UNC5A: variants seen among roughly 807,000 people sequenced by gnomAD.
UNC5A encodes unc-5 netrin receptor A.
In UNC5A, 20 loss-of-function variants were observed where a neutral mutation model predicts 87.4. That is an observed-to-expected ratio of 0.23 (90% confidence interval 0.16 to 0.33). The LOEUF (loss-of-function observed/expected upper bound fraction) is 0.33, where lower values mean the gene tolerates loss of function less well. Ranked by LOEUF, UNC5A falls within the 10% of genes least tolerant of loss-of-function variation. UNC5A has a pLI of 1.00. For missense variants in UNC5A, 844 were observed against 1,133.4 expected (o/e 0.74, Z 3.67); for synonymous variants, 438 against 482.3 (o/e 0.91, Z 1.20).
intron 1 of UNC5A, among the ~76,000 whole-genome samples, chr5:176,843,849 C>G (rs1024748111): frequency 6.6e-6 from 1 of 152,230 alleles, no homozygotes; most frequent in Non-Finnish European, 1.5e-5. Flanking sequence ...TGGCCCCTGG[C>G]CCCTGGCCCC....
Position 176,878,511 on chromosome 5 carries a change from C to A in UNC5A, c.2056C>A (p.Arg686=), listed in dbSNP as rs371754063. 10 of 1,613,004 alleles carry A rather than the reference C, an allele frequency of 6.2e-6. No homozygotes were observed. Among genetic ancestry groups the A allele is most frequent in the Non-Finnish European group, 8.5e-6 (10 of 1,179,890 alleles). The change falls in exon 13 of 15, where the codon CGG becomes AGG. Residue 686 remains arginine (R), a synonymous_variant. Transcript: ENST00000329542. ...PFYHIWNGTQ[R]YLHCTFTLER... is the part of the protein sequence containing the mutation. ...TTATCACATCTGGAATGGCACGCAG[C>A]GGTACTTGCACTGCACCTTCACCCT...
chr5:176,827,669 G>C (rs549136377), intron 1 of UNC5A, among the ~76,000 whole-genome samples: 14 of 152,306 alleles, frequency 9.2e-5, no homozygotes, highest in Non-Finnish European at 1.2e-4. Flanking sequence ...ATACACCTAG[G>C]AGTGGAATTG....
chr5:176,842,119 C>T (rs1757291120), intron 1 of UNC5A, among the ~76,000 whole-genome samples: 1 of 152,228 alleles, frequency 6.6e-6, no homozygotes, highest in Non-Finnish European at 1.5e-5. Flanking sequence ...ATGGCGTGAA[C>T]CCGGGAGGCG....
rs760774916 is a variant in UNC5A at position 176,862,802 on chromosome 5, C to T, written c.249C>T (p.Arg83=). The T allele has an allele frequency of 2.5e-6, 4 of 1,613,356 alleles. No individual in the cohort carries two copies. The highest frequency in any genetic ancestry group is 1.1e-5 in the South Asian group (1 of 91,058). The change falls in exon 2 of 15, where the codon CGC becomes CGT. Residue 83 remains arginine, a synonymous_variant. Transcript: ENST00000329542. Reference sequence around the variant, plus strand: ...TCAAGTGCAACGGGGAGTGGGTGCGCCAGGTGGACCACGTGATCGAGCGCA... The same window carrying T: ...TCAAGTGCAACGGGGAGTGGGTGCGTCAGGTGGACCACGTGATCGAGCGCA... ...IFFKCNGEWV[R]QVDHVIERST... is the part of the protein sequence containing the mutation.
chr5:176,836,714 G>A (rs946951386), intron 1 of UNC5A, among the ~76,000 whole-genome samples: 5 of 152,154 alleles, frequency 3.3e-5, no homozygotes, highest in African/African-American at 4.8e-5. Context: ...CTGACAGAGC[G>A]AACCGCTCCC....
intron 1 of UNC5A, among the ~76,000 whole-genome samples, chr5:176,831,883 CTCTTTTTTTTT>C (rs372626381): frequency 0.7 from 80,128 of 115,028 alleles, 31,915 homozygotes; most frequent in Non-Finnish European, 0.84. Context: ...CTTTCTCTCT[CTCTTTTTTTTT>C]TTTTTTTTTT....
At position 176,880,240 on chromosome 5, in the gene UNC5A, C is replaced by T. The variant is rs1336093044; in HGVS notation, c.*354C>T. On this transcript the variant is annotated 3_prime_UTR_variant, in exon 15 of 15. Transcript: ENST00000329542. ...GCATACACACGGCCATGCACGCACA[C>T]ACTGGGCCTGGGCCAGGGCCCCAGA... 3 of 197,204 alleles carry T rather than the reference C, an allele frequency of 1.5e-5. No homozygotes were observed. Among genetic ancestry groups the T allele is most frequent in the African/African-American group, 4.7e-5 (2 of 42,962 alleles). 12.2% of individuals were successfully genotyped at this position (197,204 alleles called of 1,614,324 possible). A position where few individuals can be genotyped will look rare whatever the true frequency, so the allele number is the denominator to read the frequency against.
chr5:176,827,179 CTT>C (rs35306601), intron 1 of UNC5A, among the ~76,000 whole-genome samples: 26 of 107,576 alleles, frequency 2.4e-4, no homozygotes, highest in African/African-American at 6.8e-4. Flanking sequence ...TGCTTCATTC[CTT>C]TTTTTTTTTT....
chr5:176,818,045 C>G (rs1465433368), intron 1 of UNC5A, among the ~76,000 whole-genome samples: 1 of 151,988 alleles, frequency 6.6e-6, no homozygotes, highest in African/African-American at 2.4e-5. Flanking sequence ...GGCGTCCAGC[C>G]TCCGGGCACC....
intron 6 of UNC5A, among the ~76,000 whole-genome samples, chr5:176,872,889 GC>G (rs1758160486): frequency 3.0e-5 from 1 of 33,354 alleles, no homozygotes; most frequent in African/African-American, 1.1e-4. Context: ...GCCCACACCT[GC>G]CCCAACACCA....
chr5:176,839,148 G>A (rs1363368960), intron 1 of UNC5A, among the ~76,000 whole-genome samples: 5 of 152,162 alleles, frequency 3.3e-5, no homozygotes, highest in Non-Finnish European at 7.4e-5. Context: ...CCCTCTCAAA[G>A]GCGACTGCCT....
In UNC5A at chr5:176,868,770, G is replaced by T. The variant is rs753131345; in HGVS notation, c.541-14G>T. ...GCATGGGCTGGCAGTACATGGCAGG[G>T]CTCCCTCCCCTAGGTGGAGTGGCTC... On this transcript the variant is annotated splice_polypyrimidine_tract_variant and intron_variant, in intron 4 of 14. Coordinates refer to ENST00000329542, the MANE Select transcript of UNC5A (RefSeq NM_133369.3). 2 of 1,590,994 alleles carry T rather than the reference G, an allele frequency of 1.3e-6. No individual in the cohort carries two copies. Among genetic ancestry groups the T allele is most frequent in the Non-Finnish European group, 1.7e-6 (2 of 1,163,722 alleles).
chr5:176,870,237 C>G, intron 5 of UNC5A, 133 bp from the exon 6 acceptor site: 1 of 1,161,132 alleles, frequency 8.6e-7, no homozygotes, highest in Admixed American at 2.6e-5. Context: ...TGGGCCTGGC[C>G]CTGGCTTTGC....
At chr5:176,830,799 T>TGTGTGTGTGC (rs757153284) in intron 1 of UNC5A, among the ~76,000 whole-genome samples, 1 of 142,614 alleles carries the variant, frequency 7.0e-6, no homozygotes, top group Non-Finnish European at 1.5e-5. Context: ...TGTGCTGGCA[T>TGTGTGTGTGC]GTGTGTGTGC....
intron 1 of UNC5A, among the ~76,000 whole-genome samples, chr5:176,811,637 C>A (rs897623889): frequency 6.6e-6 from 1 of 152,172 alleles, no homozygotes; most frequent in African/African-American, 2.4e-5. Context: ...TCCCCTGCAT[C>A]CTTTGTCTGC....
At chr5:176,855,916 G>A (rs1258171214) in intron 1 of UNC5A, among the ~76,000 whole-genome samples, 1 of 152,198 alleles carries the variant, frequency 6.6e-6, no homozygotes, top group Non-Finnish European at 1.5e-5. Context: ...GCAGAGGAAG[G>A]GGCTGCCACC....
At chr5:176,814,544 C>T (rs1756543439) in intron 1 of UNC5A, among the ~76,000 whole-genome samples, 1 of 152,222 alleles carries the variant, frequency 6.6e-6, no homozygotes, top group South Asian at 2.1e-4. Context: ...ACTGTGAAAC[C>T]CGCAGCTTCA....
rs537403457 is a variant in UNC5A, at chr5:176,838,696, G to A, written c.71-23928G>A. ...CCCCTAACATCTCTACACTCTCCCT[G>A]TCTTGGTACTGGGATGACTGCAGCA... On this transcript the variant is annotated intron_variant, in intron 1 of 14. Coordinates refer to ENST00000329542, the MANE Select transcript of UNC5A (RefSeq NM_133369.3). The surrounding 1 kb of genome is among the most constrained non-coding windows in gnomAD (Gnocchi z 4.2). 8.5e-5 allele frequency among the ~76,000 whole-genome samples: 13 copies of A among 152,266 alleles called. No homozygotes were observed. The South Asian group carries it at 2.7e-3, about 32-fold the overall frequency.
At position 176,865,527 on chromosome 5, in the gene UNC5A, C is replaced by T. The variant is rs1561663309; in HGVS notation, c.293-2603C>T. The stretch of plus-strand genomic sequence containing the variant: ...TAACCGCCAGGGTCCTCTTCTGCCC[C>T]GAGCATCCGACTCCAGCCTCCCATG... On this transcript the variant is annotated intron_variant, in intron 2 of 14. Coordinates refer to ENST00000329542, the MANE Select transcript of UNC5A (RefSeq NM_133369.3). The surrounding 1 kb of genome is among the most constrained non-coding windows in gnomAD (Gnocchi z 5.3). 2 of 453,544 alleles carry T rather than the reference C, an allele frequency of 4.4e-6. No individual in the cohort carries two copies. Among genetic ancestry groups the T allele is most frequent in the Non-Finnish European group, 8.9e-6 (2 of 224,702 alleles). The allele number at this position is 453,544 out of a possible 1,614,324, so 28.1% of individuals were successfully genotyped here. A position where few individuals can be genotyped will look rare whatever the true frequency, so the allele number is the denominator to read the frequency against.
Sources: gnomAD v4.1 joint callset for allele counts (sites outside exome capture counted in the v4.1 genomes callset) on GRCh38, gnomAD v4.1.1 for gene constraint, Gnocchi (gnomAD v3.1) non-coding constraint, MANE v1.5 for transcripts, NCBI Gene and HGNC (gene_info 2026-07-23, HGNC 2026-07-21) for gene names.